Variants in CACNA2D3 observed in about 807,000 individuals in gnomAD.
CACNA2D3 encodes the protein calcium voltage-gated channel auxiliary subunit alpha2delta 3.
In CACNA2D3, 60 loss-of-function variants were observed where a neutral mutation model predicts 160.6. The ratio of observed to expected loss-of-function variants is 0.37; its 90% confidence interval spans 0.30 to 0.46. The LOEUF is 0.46. CACNA2D3 is among the 20% of genes least tolerant of loss of function. The probability of loss-of-function intolerance (pLI) is 1.00; values close to 1 mark genes in which losing one functional copy is unlikely to be tolerated. For synonymous variants in CACNA2D3, 558 were observed against 492.9 expected, an observed-to-expected ratio of 1.13 and a Z score of -1.75; for missense variants, 1,205 against 1,365.0, an observed-to-expected ratio of 0.88 and a Z score of 1.85.
At position 54,429,624 on chromosome 3, in the gene CACNA2D3, A is replaced by G. The variant is rs978624556; in HGVS notation, c.381+42850A>G. Among the ~76,000 whole-genome samples, 4 of 152,130 alleles carry G rather than the reference A, an allele frequency of 2.6e-5. 1 individual carries two copies. Among genetic ancestry groups the G allele is most frequent in the Admixed American group, 2.0e-4 (3 of 15,274 alleles). On this transcript the variant is annotated intron_variant, in intron 4 of 37. Transcript: ENST00000474759. The stretch of plus-strand genomic sequence containing the variant: ...AAGACTGGTAGATTTCCTAGGGGTT[A>G]TATCATGATGGTGCTCTGTAGACAA...
chr3:54,871,485 T>A lies in CACNA2D3; in HGVS notation c.1627-54T>A, dbSNP rs1185997574. On this transcript the variant is annotated intron_variant, in intron 17 of 37. Transcript: ENST00000474759. ...TTGGGAAGGTAAAGATTGCCCTGGC[T>A]GATGACTTCACGGACTTTTGTTTTT... The A allele has an allele frequency of 8.7e-6, 12 of 1,377,182 alleles. No homozygotes were observed. The South Asian group carries it at 1.4e-4, about 16-fold the overall frequency. The allele number at this position is 1,377,182 out of a possible 1,614,324, so 85.3% of individuals were successfully genotyped here. A position where few individuals can be genotyped will look rare whatever the true frequency, so the allele number is the denominator to read the frequency against.
rs116694268 is a variant in CACNA2D3 at position 54,135,156 on chromosome 3, C to T, written c.204+11562C>T. Among the ~76,000 whole-genome samples, 620 of 152,288 alleles carry T rather than the reference C, an allele frequency of 4.1e-3. 1 individual carries two copies. Among genetic ancestry groups the T allele is most frequent in the South Asian group, 0.022 (107 of 4,810 alleles). On this transcript the variant is annotated intron_variant, in intron 2 of 37. Transcript: ENST00000474759. ...ATGTGTGCGTGGTGTTTGCTATGAT[C>T]TCACCTTCTCGGGGAGCTGCTTCTT...
intron 13 of CACNA2D3, among the ~76,000 whole-genome samples, chr3:54,784,706 G>A (rs891531330): frequency 1.3e-5 from 2 of 152,182 alleles, no homozygotes; most frequent in African/African-American, 4.8e-5. Flanking sequence ...AGAAGAAGAT[G>A]GGACAAATGA....
In CACNA2D3 at chr3:55,074,384, A is replaced by AGTTATCTATCATCTT. The variant is rs1443615677; in HGVS notation, c.*179_*193dup. 1.7e-6 allele frequency: 1 copy of AGTTATCTATCATCTT among 581,754 alleles called. No homozygotes were observed. Among genetic ancestry groups the AGTTATCTATCATCTT allele is most frequent in the African/African-American group, 1.9e-5 (1 of 51,720 alleles). 36.0% of individuals were successfully genotyped at this position (581,754 alleles called of 1,614,324 possible). On this transcript the variant is annotated 3_prime_UTR_variant, in exon 38 of 38. Transcript: ENST00000474759. Reference sequence around the variant, plus strand: ...AACTCTTAAAGATATGTTGACAAAAAGTTATCTATCATCTTTTTACTTTGC... The same window carrying AGTTATCTATCATCTT: ...AACTCTTAAAGATATGTTGACAAAAAGTTATCTATCATCTTGTTATCTATCATCTTTTTACTTTGC...
intron 4 of CACNA2D3, among the ~76,000 whole-genome samples, chr3:54,477,699 C>T (rs1238404552): frequency 6.6e-6 from 1 of 152,176 alleles, no homozygotes; most frequent in Non-Finnish European, 1.5e-5. Context: ...CCTGGCTTGT[C>T]CTCTGGCTCC....
At chr3:54,300,957 G>A (rs1703462198) in intron 2 of CACNA2D3, among the ~76,000 whole-genome samples, 1 of 151,932 alleles carries the variant, frequency 6.6e-6, no homozygotes, top group South Asian at 2.1e-4. Context: ...GGAGTTTGAG[G>A]TTGCAGTGAG....
intron 5 of CACNA2D3, among the ~76,000 whole-genome samples, chr3:54,516,933 G>A (rs1701560742): frequency 1.3e-5 from 2 of 152,164 alleles, no homozygotes; most frequent in South Asian, 2.1e-4. Flanking sequence ...AGGACCAGTC[G>A]GGGTACCTGT....
At chr3:54,148,361 G>T (rs1421937436) in intron 2 of CACNA2D3, among the ~76,000 whole-genome samples, 1 of 152,176 alleles carries the variant, frequency 6.6e-6, no homozygotes, top group African/African-American at 2.4e-5. Flanking sequence ...GGAGCCACTT[G>T]GTTAAATTTT....
chr3:54,579,409 C>T lies in CACNA2D3; in HGVS notation c.889-2394C>T, dbSNP rs183921619. ...CCTCATAGTTGCAAAATGGCTGCAG[C>T]AACTCCACAATAGCATCCCAAGCAG... On this transcript the variant is annotated intron_variant, in intron 8 of 37. Coordinates refer to ENST00000474759, the MANE Select transcript of CACNA2D3 (RefSeq NM_018398.3). Among the ~76,000 whole-genome samples, 180 of 152,272 alleles carry T rather than the reference C, an allele frequency of 1.2e-3. 1 individual carries two copies. The highest frequency in any genetic ancestry group is 4.3e-3 in the African/African-American group (178 of 41,552).
At chr3:55,069,346 A>G (rs1704746427) in intron 35 of CACNA2D3, among the ~76,000 whole-genome samples, 1 of 152,222 alleles carries the variant, frequency 6.6e-6, no homozygotes, top group Admixed American at 6.5e-5. Context: ...GAAATGACAT[A>G]TTTAAAATAT....
chr3:54,537,213 C>T lies in CACNA2D3; in HGVS notation c.545-25587C>T, dbSNP rs1448878675. 2.6e-5 allele frequency among the ~76,000 whole-genome samples: 4 copies of T among 152,068 alleles called. No homozygotes were observed. The East Asian group carries it at 7.8e-4, about 30-fold the overall frequency. ...ATCTCATGAAGAGCTCCTCTTTGGC[C>T]ATGTGCGCGATTAGGGTTAACTTTT... is the stretch of plus-strand genomic sequence containing the variant. On this transcript the variant is annotated intron_variant, in intron 5 of 37. Transcript: ENST00000474759.
intron 2 of CACNA2D3, among the ~76,000 whole-genome samples, chr3:54,231,453 G>A (rs1031947089): frequency 3.9e-5 from 6 of 152,192 alleles, no homozygotes; most frequent in Admixed American, 2.0e-4. Flanking sequence ...AAAACCTAAA[G>A]CAATGTGTTA....
intron 18 of CACNA2D3, chr3:54,878,799 T>G: frequency 2.5e-6 from 1 of 397,568 alleles, no homozygotes; most frequent in Non-Finnish European, 4.4e-6. Context: ...TGTCCTGAAG[T>G]TTACACGAGC....
chr3:54,930,173 TGA>T (rs1701148752), intron 27 of CACNA2D3, among the ~76,000 whole-genome samples: 1 of 152,180 alleles, frequency 6.6e-6, no homozygotes, highest in South Asian at 2.1e-4. Flanking sequence ...CCACAGGCTG[TGA>T]TCTGCAAACT....
intron 13 of CACNA2D3, among the ~76,000 whole-genome samples, chr3:54,813,203 G>A (rs1489424178): frequency 2.6e-5 from 4 of 152,300 alleles, no homozygotes; most frequent in Admixed American, 6.5e-5. Context: ...TACAGTCTGC[G>A]GTGTGGGCCA....
intron 11 of CACNA2D3, among the ~76,000 whole-genome samples, chr3:54,673,782 T>C (rs1235765407): frequency 6.6e-6 from 1 of 152,226 alleles, no homozygotes; most frequent in African/African-American, 2.4e-5. Flanking sequence ...ACCCTTTGGC[T>C]AAAAAGCTTC....
intron 2 of CACNA2D3, among the ~76,000 whole-genome samples, chr3:54,197,832 T>A (rs958605983): frequency 1.3e-5 from 2 of 152,190 alleles, no homozygotes; most frequent in Non-Finnish European, 2.9e-5. Flanking sequence ...TTTCTGCACG[T>A]TCTTTGAAGG....
At chr3:54,465,363 C>G (rs1004884945) in intron 4 of CACNA2D3, among the ~76,000 whole-genome samples, 15 of 152,218 alleles carry the variant, frequency 9.9e-5, no homozygotes, top group African/African-American at 3.6e-4. Flanking sequence ...ATTCACATTA[C>G]TTTATTACAG....
intron 4 of CACNA2D3, among the ~76,000 whole-genome samples, chr3:54,479,280 A>G (rs866113234): frequency 6.6e-6 from 1 of 152,196 alleles, no homozygotes; most frequent in Non-Finnish European, 1.5e-5. Flanking sequence ...CTGTGAGTCA[A>G]TTAAACCTCT....
Sources: gnomAD v4.1 joint callset for allele counts (sites outside exome capture counted in the v4.1 genomes callset) on GRCh38, gnomAD v4.1.1 for gene constraint, MANE v1.5 for transcripts, NCBI Gene and HGNC (gene_info 2026-07-23, HGNC 2026-07-21) for gene names.